FAM53B: variants seen among roughly 807,000 people sequenced by gnomAD.
FAM53B encodes family with sequence similarity 53 member B.
A neutral mutation model predicts 32.7 loss-of-function variants in FAM53B; 12 were observed. That is an observed-to-expected ratio of 0.37 (90% CI 0.24 to 0.59). The LOEUF is 0.59. Ranked by LOEUF, FAM53B falls within the 20% of genes least tolerant of loss-of-function variation. The pLI, the probability that FAM53B is intolerant of heterozygous loss-of-function variation, is 0.72. For missense variants in FAM53B, 477 were observed against 577.7 expected, an observed-to-expected ratio of 0.83 and a Z score of 1.79; for synonymous variants, 234 against 228.7, an observed-to-expected ratio of 1.02 and a Z score of -0.21.
intron 4 of FAM53B, among the ~76,000 whole-genome samples, chr10:124,679,843 G>A (rs550551221): frequency 9.8e-4 from 150 of 152,374 alleles, no homozygotes; most frequent in African/African-American, 3.5e-3. Flanking sequence ...CTAACCAAAC[G>A]AGGTCAAGAA....
Position 124,706,750 on chromosome 10 carries a change from G to A in FAM53B, c.-37C>T, listed in dbSNP as rs773660567. Reference sequence around the variant, plus strand: ...CAGGCGCTGGGCTCCATCCCAGGGTGGGTATCAGCCATCTTCACTTGGGCA... The same window carrying A: ...CAGGCGCTGGGCTCCATCCCAGGGTAGGTATCAGCCATCTTCACTTGGGCA... On this transcript the variant is annotated 5_prime_UTR_variant, in exon 2 of 5. Coordinates refer to ENST00000337318, the MANE Select transcript of FAM53B (RefSeq NM_014661.4). 6.2e-7 allele frequency: 1 copy of A among 1,613,744 alleles called. No individual in the cohort carries two copies. The highest frequency in any genetic ancestry group is 1.3e-5 in the African/African-American group (1 of 74,938).
At chr10:124,628,370 G>T (rs577928923) in intron 4 of FAM53B, among the ~76,000 whole-genome samples, 1 of 152,156 alleles carries the variant, frequency 6.6e-6, no homozygotes, top group African/African-American at 2.4e-5. Context: ...CCTTTGTCCC[G>T]GTTGCCTCCT....
intron 4 of FAM53B, among the ~76,000 whole-genome samples, chr10:124,675,501 T>C (rs1336455354): frequency 6.6e-6 from 1 of 152,210 alleles, no homozygotes; most frequent in Non-Finnish European, 1.5e-5. Flanking sequence ...AAGCTGGCAT[T>C]TGCTGAGTGC....
chr10:124,731,931 T>C (rs1451249217), intron 1 of FAM53B, among the ~76,000 whole-genome samples: 1 of 152,220 alleles, frequency 6.6e-6, no homozygotes, highest in Non-Finnish European at 1.5e-5. Flanking sequence ...TGTTTCTTCC[T>C]GCATTTGGCA....
intron 1 of FAM53B, among the ~76,000 whole-genome samples, chr10:124,742,220 C>T (rs542962584): frequency 6.6e-6 from 1 of 152,286 alleles, no homozygotes; most frequent in South Asian, 2.1e-4. Flanking sequence ...GAGTCAAGGG[C>T]TACCAATCCT....
intron 4 of FAM53B, among the ~76,000 whole-genome samples, chr10:124,643,025 T>C (rs535801103): frequency 2.6e-5 from 4 of 152,350 alleles, no homozygotes; most frequent in African/African-American, 7.2e-5. Flanking sequence ...CGCTCACATA[T>C]GCCTTTTTTC....
intron 1 of FAM53B, among the ~76,000 whole-genome samples, chr10:124,741,319 A>C (rs1331807357): frequency 6.6e-6 from 1 of 152,206 alleles, no homozygotes; most frequent in Non-Finnish European, 1.5e-5. Flanking sequence ...TTTTCCATAC[A>C]ATGCGCAATT....
intron 1 of FAM53B, among the ~76,000 whole-genome samples, chr10:124,735,620 C>T (rs1000014999): frequency 6.6e-6 from 1 of 152,388 alleles, no homozygotes; most frequent in African/African-American, 2.4e-5. Context: ...CACTGACTGA[C>T]CTCCTCAGGG....
At chr10:124,737,463 G>T (rs529737927) in intron 1 of FAM53B, among the ~76,000 whole-genome samples, 1 of 152,298 alleles carries the variant, frequency 6.6e-6, no homozygotes, top group South Asian at 2.1e-4. Flanking sequence ...TTCACCTGCT[G>T]GTCTACGCTA....
At chr10:124,711,483 C>T (rs182828718) in intron 1 of FAM53B, among the ~76,000 whole-genome samples, 2 of 151,842 alleles carry the variant, frequency 1.3e-5, no homozygotes, top group Admixed American at 6.6e-5. Context: ...AAGGGATATG[C>T]GAGATTTCTC....
intron 1 of FAM53B, among the ~76,000 whole-genome samples, chr10:124,724,903 T>A (rs1311575318): frequency 6.6e-6 from 1 of 152,136 alleles, no homozygotes; most frequent in African/African-American, 2.4e-5. Flanking sequence ...TTCGTGGATA[T>A]GAAAGCACAA....
chr10:124,661,871 G>T (rs1193586344), intron 4 of FAM53B, among the ~76,000 whole-genome samples: 1 of 152,226 alleles, frequency 6.6e-6, no homozygotes, highest in African/African-American at 2.4e-5. Context: ...TCTGACGGCT[G>T]GCCTAGCAGG....
chr10:124,685,496 C>T (rs776047369), intron 3 of FAM53B, among the ~76,000 whole-genome samples: 1 of 152,212 alleles, frequency 6.6e-6, no homozygotes, highest in Non-Finnish European at 1.5e-5. Flanking sequence ...ACCAGATGGG[C>T]CAGGAATGTG....
chr10:124,688,607 A>C (rs889120752), intron 3 of FAM53B, among the ~76,000 whole-genome samples: 3 of 152,206 alleles, frequency 2.0e-5, no homozygotes, highest in Non-Finnish European at 4.4e-5. Context: ...ACTATGCCAC[A>C]AAGAACAGGA....
intron 4 of FAM53B, 141 bp from the exon 5 acceptor site, chr10:124,623,745 G>A (rs997653121): frequency 5.8e-5 from 52 of 894,884 alleles, no homozygotes; most frequent in African/African-American, 3.4e-4. Flanking sequence ...AGGCAAGGAC[G>A]GGCCCATGAG....
chr10:124,711,263 G>C (rs1213806516), intron 1 of FAM53B, among the ~76,000 whole-genome samples: 1 of 152,150 alleles, frequency 6.6e-6, no homozygotes, highest in African/African-American at 2.4e-5. Context: ...TCTTAAAATG[G>C]CAAAATTATA....
intron 1 of FAM53B, among the ~76,000 whole-genome samples, chr10:124,712,920 A>C (rs1950014464): frequency 6.6e-6 from 1 of 152,080 alleles, no homozygotes; most frequent in Non-Finnish European, 1.5e-5. Context: ...GCCCCTGCCC[A>C]CCTCCCAAGT....
In FAM53B at chr10:124,623,389, G is replaced by A; in HGVS notation, c.1122C>T (p.Ser374=). The change falls in exon 5 of 5, where the codon TCC becomes TCT. Residue 374 remains serine, a synonymous_variant. Transcript: ENST00000337318. ...DDHLACQEDL[S]CEESDSCALD... ...GGGCGCAGCTGTCTGACTCCTCACA[G>A]GACAGGTCCTCCTGGCAGGCGAGGT... 6.2e-7 allele frequency: 1 copy of A among 1,612,396 alleles called. No individual in the cohort carries two copies. Among genetic ancestry groups the A allele is most frequent in the Non-Finnish European group, 8.5e-7 (1 of 1,179,738 alleles).
chr10:124,659,795 G>C (rs1223564227), intron 4 of FAM53B, among the ~76,000 whole-genome samples: 1 of 152,262 alleles, frequency 6.6e-6, no homozygotes, highest in African/African-American at 2.4e-5. Flanking sequence ...TCCCAGGCCA[G>C]AGTCAACTTT....
Sources: allele counts gnomAD v4.1 joint callset (sites outside exome capture counted in the v4.1 genomes callset), GRCh38; gene constraint gnomAD v4.1.1; transcripts MANE v1.5; gene names NCBI Gene and HGNC (gene_info 2026-07-23, HGNC 2026-07-21).